ZCCHC17: variants seen among roughly 807,000 people sequenced by gnomAD.
ZCCHC17 encodes zinc finger CCHC domain-containing protein 17.
ZCCHC17 carries 18 observed loss-of-function variants against 30.6 expected under a neutral mutation model. The ratio of observed to expected loss-of-function variants is 0.59; its 90% CI spans 0.41 to 0.87. The LOEUF is 0.87. Among genes scored for constraint, ZCCHC17 ranks in the 40% least tolerant of loss-of-function variants. The pLI is 0.00. For synonymous variants in ZCCHC17, 88 were observed against 92.4 expected (o/e 0.95, Z 0.27); for missense variants, 263 against 284.2 (o/e 0.93, Z 0.54).
chr1:31,338,024 C>T (rs1638888163), intron 4 of ZCCHC17, among the ~76,000 whole-genome samples: 2 of 151,966 alleles, frequency 1.3e-5, no homozygotes, highest in African/African-American at 4.8e-5. Context: ...GGCTGGAGTA[C>T]AGTGGTGCCA....
chr1:31,314,239 C>T (rs1646676721), intron 2 of ZCCHC17, among the ~76,000 whole-genome samples: 1 of 152,024 alleles, frequency 6.6e-6, no homozygotes. Flanking sequence ...GATGGATGGT[C>T]TTTAGGAATG....
Position 31,346,831 on chromosome 1 carries a change from T to G in ZCCHC17, c.418+91T>G, listed in dbSNP as rs371423721. The G allele has an allele frequency of 3.2e-5, 50 of 1,569,340 alleles. No homozygotes were observed. The African/African-American group carries it at 5.8e-4, about 18-fold the overall frequency. On this transcript the variant is annotated intron_variant, in intron 6 of 7. Coordinates refer to ENST00000344147, the MANE Select transcript of ZCCHC17 (RefSeq NM_016505.4). ...GAGGCAGCCCAGTGTGAGTTTAGTT[T>G]ACCCTGTTTTTTAGCCAAGTGATGG...
chr1:31,313,702 G>A (rs1179880025), intron 2 of ZCCHC17, among the ~76,000 whole-genome samples: 1 of 152,144 alleles, frequency 6.6e-6, no homozygotes, highest in African/African-American at 2.4e-5. Context: ...AGAAGGAAGT[G>A]TAGCACTGGA....
chr1:31,358,347 T>A lies in ZCCHC17; in HGVS notation c.565-5685T>A, dbSNP rs533556631. ...TGAGTGAGATGGATGTTATTAGAGGTTTTGAGCAGAGGAATGACATGATCT... is the reference window on the plus strand; with the variant it reads ...TGAGTGAGATGGATGTTATTAGAGGATTTGAGCAGAGGAATGACATGATCT... On this transcript the variant is annotated intron_variant, in intron 7 of 7. Coordinates refer to ENST00000344147, the MANE Select transcript of ZCCHC17 (RefSeq NM_016505.4). Among the ~76,000 whole-genome samples, 14 of 152,110 alleles carry A rather than the reference T, an allele frequency of 9.2e-5. No homozygotes were observed. In the South Asian group the frequency reaches 2.9e-3, roughly 32 times the overall value.
chr1:31,357,006 C>A (rs936193251), intron 7 of ZCCHC17, among the ~76,000 whole-genome samples: 3 of 152,100 alleles, frequency 2.0e-5, no homozygotes, highest in Non-Finnish European at 4.4e-5. Context: ...AATCATATGC[C>A]ATCGTAGGTC....
At chr1:31,343,738 G>A (rs972394390) in intron 5 of ZCCHC17, among the ~76,000 whole-genome samples, 10 of 145,576 alleles carry the variant, frequency 6.9e-5, no homozygotes, top group South Asian at 2.2e-4. Context: ...AGGCTGGAGT[G>A]TAGTGATCAT....
intron 7 of ZCCHC17, among the ~76,000 whole-genome samples, chr1:31,362,561 C>T (rs1403622640): frequency 2.0e-5 from 3 of 152,170 alleles, no homozygotes; most frequent in African/African-American, 7.2e-5. Flanking sequence ...TGGGAATGTT[C>T]TTTCTCAGCT....
chr1:31,302,969 G>A (rs1222380602), intron 1 of ZCCHC17, among the ~76,000 whole-genome samples: 3 of 152,156 alleles, frequency 2.0e-5, no homozygotes, highest in Non-Finnish European at 2.9e-5. Context: ...TCTTTTTGAG[G>A]TATAGTGCTT....
At chr1:31,329,013 A>G (rs996594977) in intron 3 of ZCCHC17, among the ~76,000 whole-genome samples, 1 of 152,126 alleles carries the variant, frequency 6.6e-6, no homozygotes, top group Non-Finnish European at 1.5e-5. Context: ...CAAAATAGAA[A>G]AAGTTCCAGC....
chr1:31,346,839 T>C (rs1279651415), intron 6 of ZCCHC17, 99 bp downstream of exon 6: 2 of 1,558,152 alleles, frequency 1.3e-6, no homozygotes, highest in African/African-American at 2.7e-5. Context: ...TTTACCCTGT[T>C]TTTTAGCCAA....
intron 3 of ZCCHC17, among the ~76,000 whole-genome samples, chr1:31,322,086 G>A (rs1397400576): frequency 6.6e-6 from 1 of 152,188 alleles, no homozygotes; most frequent in Non-Finnish European, 1.5e-5. Context: ...AAACACAAAT[G>A]AGTACAGGTA....
At chr1:31,344,623 A>G (rs919396627) in intron 5 of ZCCHC17, among the ~76,000 whole-genome samples, 1 of 152,330 alleles carries the variant, frequency 6.6e-6, no homozygotes, top group Admixed American at 6.5e-5. Flanking sequence ...GGACAAAAAG[A>G]GAGACGTGGG....
At chr1:31,337,422 C>A in intron 4 of ZCCHC17, 147 bp downstream of exon 4, 1 of 702,566 alleles carries the variant, frequency 1.4e-6, no homozygotes, top group Non-Finnish European at 2.4e-6. Flanking sequence ...ATTCTGAATT[C>A]AAACCTTCTG....
intron 3 of ZCCHC17, among the ~76,000 whole-genome samples, chr1:31,321,112 T>G (rs1230764439): frequency 1.3e-5 from 2 of 152,230 alleles, no homozygotes; most frequent in Non-Finnish European, 2.9e-5. Context: ...ATATTTTGGC[T>G]GTGTCCTCAC....
At chr1:31,313,414 C>G (rs1193610075) in intron 2 of ZCCHC17, among the ~76,000 whole-genome samples, 2 of 152,144 alleles carry the variant, frequency 1.3e-5, no homozygotes, top group Non-Finnish European at 2.9e-5. Context: ...ACTTGATATT[C>G]ATACTTGGCA....
Position 31,364,448 on chromosome 1 carries a change from C to T in ZCCHC17, c.*255C>T, listed in dbSNP as rs1640055642. The stretch of plus-strand genomic sequence containing the variant: ...CCCTGCAGCTCACCCATTCATTCAC[C>T]CAACTTCCTTCATTCAGCAGGAGGT... On this transcript the variant is annotated 3_prime_UTR_variant, in exon 8 of 8. Transcript: ENST00000344147. 2 of 522,962 alleles carry T rather than the reference C, an allele frequency of 3.8e-6. No homozygotes were observed. Among genetic ancestry groups the T allele is most frequent in the African/African-American group, 3.8e-5 (2 of 53,200 alleles). 32.4% of individuals were successfully genotyped at this position (522,962 alleles called of 1,614,324 possible).
chr1:31,307,787 C>G (rs1646501953), intron 1 of ZCCHC17, among the ~76,000 whole-genome samples: 1 of 151,972 alleles, frequency 6.6e-6, no homozygotes, highest in Non-Finnish European at 1.5e-5. Flanking sequence ...GTTGGCCAGG[C>G]TGGTCTCGAA....
At chr1:31,345,619 G>A (rs1639241167) in intron 5 of ZCCHC17, among the ~76,000 whole-genome samples, 1 of 17,716 alleles carries the variant, frequency 5.6e-5, no homozygotes, top group African/African-American at 2.1e-4. Flanking sequence ...ACCTGAGACT[G>A]GGTAATTTAT....
Position 31,364,238 on chromosome 1 carries a change from G to C in ZCCHC17, c.*45G>C. The C allele has an allele frequency of 6.4e-7, 1 of 1,572,854 alleles. No homozygotes were observed. ...GGTGGTTGAGAGTAAGAAACCAGGA[G>C]CCTTGTGCCTTGAGACTCCTGGAAA... On this transcript the variant is annotated 3_prime_UTR_variant, in exon 8 of 8. Transcript: ENST00000344147.
Sources: gnomAD v4.1 joint callset for allele counts (sites outside exome capture counted in the v4.1 genomes callset) on GRCh38, gnomAD v4.1.1 for gene constraint, MANE v1.5 for transcripts, NCBI Gene and HGNC (gene_info 2026-07-23, HGNC 2026-07-21) for gene names.